The following TP53BP1 variants were observed in gnomAD, a reference collection of about 807,000 sequenced individuals.
The protein encoded by TP53BP1 is TP53-binding protein 1.
In TP53BP1, 61 loss-of-function variants were observed where a neutral mutation model predicts 200.8. The ratio of observed to expected loss-of-function variants is 0.30; its 90% CI spans 0.25 to 0.38. TP53BP1 has a LOEUF of 0.38. Ranked by LOEUF, TP53BP1 falls within the 10% of genes least tolerant of loss-of-function variation. The pLI, the probability that TP53BP1 is intolerant of heterozygous loss-of-function variation, is 1.00. For missense variants in TP53BP1, 2,144 were observed against 2,371.9 expected, an observed-to-expected ratio of 0.90 and a Z score of 2.00; for synonymous variants, 822 against 844.3, an observed-to-expected ratio of 0.97 and a Z score of 0.46.
chr15:43,505,605 C>G (rs2079231753), intron 1 of TP53BP1, among the ~76,000 whole-genome samples: 1 of 152,122 alleles, frequency 6.6e-6, no homozygotes, highest in African/African-American at 2.4e-5. Flanking sequence ...GGAAGGTAAA[C>G]CCAGTCCCAT....
Position 43,470,053 on chromosome 15 carries a change from G to A in TP53BP1, c.1194C>T (p.Asp398=), listed in dbSNP as rs1326791014. The change falls in exon 11 of 28, where the codon GAC becomes GAT. Residue 398 remains aspartate, a synonymous_variant. Transcript: ENST00000382044. ...EQEGRQDKPM[D]TSVLSEEGGE... ...CTCCTTCTTCAGATAACACTGACGT[G>A]TCCATTGGCTTATCTGGTTTAAAAC... 6.2e-7 allele frequency: 1 copy of A among 1,612,658 alleles called. No homozygotes were observed. The highest frequency in any genetic ancestry group is 1.1e-5 in the South Asian group (1 of 91,020).
chr15:43,478,336 C>A (rs1195485346), intron 7 of TP53BP1, among the ~76,000 whole-genome samples: 1 of 152,110 alleles, frequency 6.6e-6, no homozygotes, highest in African/African-American at 2.4e-5. Context: ...CCAGGGTAAA[C>A]AGAATAGCAT....
In TP53BP1 at chr15:43,403,912, G is replaced by A. The variant is rs1166144532; in HGVS notation, c.*3471C>T. 8 of 724,606 alleles carry A rather than the reference G, an allele frequency of 1.1e-5. No individual in the cohort carries two copies. Among genetic ancestry groups the A allele is most frequent in the South Asian group, 4.9e-5 (3 of 61,244 alleles). The allele number at this position is 724,606 out of a possible 1,614,324, so 44.9% of individuals were successfully genotyped here. A position where few individuals can be genotyped will look rare whatever the true frequency, so the allele number is the denominator to read the frequency against. On this transcript the variant is annotated 3_prime_UTR_variant, in exon 28 of 28. Coordinates refer to ENST00000382044, the MANE Select transcript of TP53BP1 (RefSeq NM_001141980.3). ...TAAAGCATTTCCTCAATACACACAC[G>A]TACAGAGATAAGATACAAAGATAAA...
At chr15:43,475,443 G>T in intron 9 of TP53BP1, 122 bp downstream of exon 9, 1 of 1,164,902 alleles carries the variant, frequency 8.6e-7, no homozygotes, top group Non-Finnish European at 1.2e-6. Flanking sequence ...CTAATGCATA[G>T]GTTCTACCAT....
At chr15:43,496,851 C>T (rs896995506), upstream of TP53BP1, among the ~76,000 whole-genome samples, 3 of 152,030 alleles carry the variant, frequency 2.0e-5, no homozygotes, top group African/African-American at 7.2e-5. Flanking sequence ...CGAACTCCGG[C>T]CTCAGGTGAT....
At chr15:43,482,708 C>T (rs537713938) in intron 4 of TP53BP1, among the ~76,000 whole-genome samples, 1 of 152,042 alleles carries the variant, frequency 6.6e-6, no homozygotes, top group South Asian at 2.1e-4. Flanking sequence ...TCGGAGGTTG[C>T]AGTGAGCCAA....
At chr15:43,474,169 C>G (rs2046795652) in intron 10 of TP53BP1, among the ~76,000 whole-genome samples, 1 of 152,188 alleles carries the variant, frequency 6.6e-6, no homozygotes, top group African/African-American at 2.4e-5. Context: ...GCCGGCTGCT[C>G]CGAGTGCAGG....
intron 4 of TP53BP1, among the ~76,000 whole-genome samples, chr15:43,482,362 G>A (rs889012512): frequency 2.0e-5 from 3 of 151,978 alleles, no homozygotes; most frequent in African/African-American, 7.3e-5. Flanking sequence ...AAGGCCAGGC[G>A]CAGGGGCTTA....
chr15:43,437,816 T>G (rs1246656311), intron 16 of TP53BP1, among the ~76,000 whole-genome samples: 2 of 152,222 alleles, frequency 1.3e-5, no homozygotes, highest in Non-Finnish European at 2.9e-5. Context: ...CAGTACATCT[T>G]AGTCTGTTTT....
chr15:43,448,964 T>C (rs2046104404), intron 12 of TP53BP1, among the ~76,000 whole-genome samples: 1 of 151,788 alleles, frequency 6.6e-6, no homozygotes, highest in Admixed American at 6.6e-5. Flanking sequence ...CTGTCTCCAC[T>C]AAAAATACAA....
intron 4 of TP53BP1, among the ~76,000 whole-genome samples, chr15:43,490,951 C>G (rs1242299095): frequency 6.6e-6 from 1 of 151,966 alleles, no homozygotes; most frequent in Non-Finnish European, 1.5e-5. Context: ...TAAAGATATG[C>G]AAAAGACATG....
rs1444318198 is a variant in TP53BP1, at chr15:43,447,379, G to A, written c.2823C>T (p.His941=). The change falls in exon 13 of 28, where the codon CAC becomes CAT. Residue 941 remains histidine, a synonymous_variant. Transcript: ENST00000382044. ...TTATTCACTCACCAATAGGAGTACT[G>A]TGTCTCTTGGGCTCCAATTTTAGGT... ...IGHLKLEPKR[H]STPIGISNYP... is the part of the protein sequence containing the mutation. 4.4e-6 allele frequency: 7 copies of A among 1,599,618 alleles called. No homozygotes were observed. The East Asian group carries it at 6.7e-5, about 15-fold the overall frequency.
chr15:43,474,118 G>A lies in TP53BP1; in HGVS notation c.1180+555C>T, dbSNP rs555312692. Among the ~76,000 whole-genome samples the A allele has an allele frequency of 2.3e-3, 350 of 152,322 alleles. 1 individual carries two copies. Among genetic ancestry groups the A allele is most frequent in the Non-Finnish European group, 3.6e-3 (242 of 68,026 alleles). On this transcript the variant is annotated intron_variant, in intron 10 of 27. Coordinates refer to ENST00000382044, the MANE Select transcript of TP53BP1 (RefSeq NM_001141980.3). Reference sequence around the variant, plus strand: ...GTACACCCTCCATAGCCGCTGGCCCGGGTGCTAAGCCCCTCATTGCCCGGG... The same window carrying A: ...GTACACCCTCCATAGCCGCTGGCCCAGGTGCTAAGCCCCTCATTGCCCGGG...
chr15:43,497,335 G>A (rs924120468), upstream of TP53BP1: 23 of 836,420 alleles, frequency 2.7e-5, no homozygotes, highest in African/African-American at 7.4e-5. Context: ...AGCCGAGATC[G>A]CACCACTGCA....
At chr15:43,470,136 A>G in intron 10 of TP53BP1, 70 bp from the exon 11 acceptor site, 1 of 1,265,006 alleles carries the variant, frequency 7.9e-7, no homozygotes, top group South Asian at 1.2e-5. Context: ...CAAAACCACT[A>G]AGAACAATTA....
Position 43,456,846 on chromosome 15 carries a change from C to T in TP53BP1, c.1762G>A (p.Asp588Asn). 1 of 1,613,972 alleles carries T rather than the reference C, an allele frequency of 6.2e-7. No homozygotes were observed. The highest frequency in any genetic ancestry group is 8.5e-7 in the Non-Finnish European group (1 of 1,180,038). Reference protein sequence around the residue: ...QDGEVQLSQNDDKTKGDDTDT... With the variant: ...QDGEVQLSQNNDKTKGDDTDT... ...GTATCATCTCCCTTTGTTTTGTCATCATTCTGACTCAGTTGTACTTCACCA... is the reference window on the plus strand; with the variant it reads ...GTATCATCTCCCTTTGTTTTGTCATTATTCTGACTCAGTTGTACTTCACCA... Residue 588 changes from aspartate to asparagine, a missense_variant, in exon 12 of 28, where the codon GAT (aspartate) becomes AAT (asparagine). By Grantham distance (23) the Asp-to-Asn change is conservative. Transcript: ENST00000382044.
chr15:43,481,155 T>C (rs1013720025), intron 4 of TP53BP1, 133 bp from the exon 5 acceptor site: 2 of 913,536 alleles, frequency 2.2e-6, no homozygotes, highest in African/African-American at 1.7e-5. Context: ...ACCTTTATAG[T>C]GCTTCTTTCT....
chr15:43,486,276 T>C (rs866342791), intron 4 of TP53BP1, among the ~76,000 whole-genome samples: 21 of 152,160 alleles, frequency 1.4e-4, no homozygotes, highest in African/African-American at 5.1e-4. Context: ...CTTGGGAGGC[T>C]GAGGCAGGAG....
At chr15:43,426,451 A>AAAAG (rs1443270220) in intron 18 of TP53BP1, among the ~76,000 whole-genome samples, 3 of 151,582 alleles carry the variant, frequency 2.0e-5, no homozygotes, top group African/African-American at 7.3e-5. Context: ...AAAAAAAAAA[A>AAAAG]AAAAAAAAAG....
Sources: allele counts gnomAD v4.1 joint callset (sites outside exome capture counted in the v4.1 genomes callset), GRCh38; gene constraint gnomAD v4.1.1; transcripts MANE v1.5; gene names NCBI Gene and HGNC (gene_info 2026-07-23, HGNC 2026-07-21).